STAG3: variants seen among roughly 807,000 people sequenced by gnomAD.
STAG3 encodes the protein STAG3 cohesin complex component.
STAG3 carries 101 observed loss-of-function variants against 160.7 expected under a neutral mutation model. That is an observed-to-expected ratio of 0.63 (90% confidence interval 0.54 to 0.74). The LOEUF is 0.74. STAG3 is among the 30% of genes least tolerant of loss of function. The probability of loss-of-function intolerance (pLI) is 0.00; values close to 1 mark genes in which losing one functional copy is unlikely to be tolerated. For missense variants in STAG3, 1,188 were observed against 1,517.4 expected, an observed-to-expected ratio of 0.78 and a Z score of 3.61; for synonymous variants, 519 against 585.0, an observed-to-expected ratio of 0.89 and a Z score of 1.63.
At chr7:100,183,354 G>A (rs1394207896) in intron 4 of STAG3, among the ~76,000 whole-genome samples, 1 of 152,194 alleles carries the variant, frequency 6.6e-6, no homozygotes, top group Non-Finnish European at 1.5e-5. Flanking sequence ...TCACAGGAGT[G>A]ATTATGCCTT....
chr7:100,206,541 G>A (rs971795808), intron 29 of STAG3, among the ~76,000 whole-genome samples: 2 of 151,618 alleles, frequency 1.3e-5, no homozygotes, highest in African/African-American at 4.9e-5. Flanking sequence ...GCGTGATCTC[G>A]ACTCACTGCA....
chr7:100,194,623 AC>A (rs1403314363), intron 8 of STAG3, among the ~76,000 whole-genome samples: 1 of 152,060 alleles, frequency 6.6e-6, no homozygotes, highest in African/African-American at 2.4e-5. Context: ...GCCCGTCTCT[AC>A]AAAAAAAAAA....
chr7:100,205,716 A>G (rs1217002167), intron 29 of STAG3, among the ~76,000 whole-genome samples: 3 of 151,568 alleles, frequency 2.0e-5, no homozygotes, highest in Non-Finnish European at 4.4e-5. Context: ...TGTAATCCCA[A>G]CTACTCAGGA....
rs766424420 is a variant in STAG3, at chr7:100,188,996, G to A, written c.695G>A (p.Arg232His). 5 of 1,614,128 alleles carry A rather than the reference G, an allele frequency of 3.1e-6. No individual in the cohort carries two copies. The highest frequency in any genetic ancestry group is 1.1e-5 in the South Asian group (1 of 91,080). Reference sequence around the variant, plus strand: ...TCAGACTCACAAGTCCGCGCCTTCCGTCACACTAGCACCCTGGCTGGTGAG... The same window carrying A: ...TCAGACTCACAAGTCCGCGCCTTCCATCACACTAGCACCCTGGCTGGTGAG... Reference protein sequence around the residue: ...GLSDSQVRAFRHTSTLAAMKL... With the variant: ...GLSDSQVRAFHHTSTLAAMKL... Residue 232 changes from arginine to histidine, a missense_variant, in exon 7 of 34, where the codon CGT (arginine) becomes CAT (histidine). Coordinates refer to ENST00000615138, the MANE Select transcript of STAG3 (RefSeq NM_001282717.2).
chr7:100,198,650 C>A, intron 13 of STAG3, 68 bp downstream of exon 13: 1 of 1,473,750 alleles, frequency 6.8e-7, no homozygotes, highest in Admixed American at 1.7e-5. Flanking sequence ...TCTGCTGCTG[C>A]CCTACCTAAG....
downstream of STAG3, among the ~76,000 whole-genome samples, chr7:100,215,740 C>G (rs1490143451): frequency 1.3e-5 from 2 of 152,266 alleles, no homozygotes; most frequent in African/African-American, 2.4e-5. Context: ...GAGCTTGACA[C>G]CATGCTCTCT....
chr7:100,213,391 G>A (rs1802452188), intron 32 of STAG3: 18 of 985,332 alleles, frequency 1.8e-5, no homozygotes, highest in Non-Finnish European at 2.2e-5. Context: ...GAACAGAACA[G>A]GGGAGTCTTG....
At chr7:100,217,185 T>C (rs1219666057), downstream of STAG3, among the ~76,000 whole-genome samples, 1 of 152,178 alleles carries the variant, frequency 6.6e-6, no homozygotes, top group Non-Finnish European at 1.5e-5. Flanking sequence ...GGTTAGAATG[T>C]TTCTTTATTT....
chr7:100,204,918 G>A lies in STAG3; in HGVS notation c.2952-87G>A, dbSNP rs1801493927. The A allele has an allele frequency of 1.8e-5, 29 of 1,575,412 alleles. No homozygotes were observed. In the South Asian group the frequency reaches 3.3e-4, roughly 18 times the overall value. On this transcript the variant is annotated intron_variant, in intron 27 of 33. Transcript: ENST00000615138. The stretch of plus-strand genomic sequence containing the variant: ...GCCTTTGGAGACAAGCTGGGGACGG[G>A]GGGAGGGTGCATTTGGACAGGATAG...
At position 100,199,655 on chromosome 7, in the gene STAG3, A is replaced by C; in HGVS notation, c.1677+11A>C. The C allele has an allele frequency of 1.3e-6, 2 of 1,567,420 alleles. No individual in the cohort carries two copies. The highest frequency in any genetic ancestry group is 1.7e-6 in the Non-Finnish European group (2 of 1,155,756). On this transcript the variant is annotated intron_variant, in intron 16 of 33. Coordinates refer to ENST00000615138, the MANE Select transcript of STAG3 (RefSeq NM_001282717.2). ...GTCACTGGGAGGAAGGTATGGTGTGAGGGTAGAGTGGGTAGGTCAGCAATA... is the reference window on the plus strand; with the variant it reads ...GTCACTGGGAGGAAGGTATGGTGTGCGGGTAGAGTGGGTAGGTCAGCAATA...
At chr7:100,182,387 AAG>A (rs1238376110) in intron 3 of STAG3, among the ~76,000 whole-genome samples, 195 bp downstream of exon 3, 1 of 152,112 alleles carries the variant, frequency 6.6e-6, no homozygotes, top group East Asian at 1.9e-4. Context: ...GAAAACCTAA[AAG>A]AGGTTCAGGT....
At chr7:100,210,958 G>C in intron 29 of STAG3, 53 bp from the exon 30 acceptor site, 6 of 1,564,354 alleles carry the variant, frequency 3.8e-6, no homozygotes, top group Non-Finnish European at 5.2e-6. Context: ...TGGAAAGAGA[G>C]CACACCTGTC....
Position 100,213,771 on chromosome 7 carries a change from C to T in STAG3, c.3637C>T (p.Leu1213=), listed in dbSNP as rs774297890. ...CTACTCTTCCACCAGTGAGCGCGGG[C>T]TGGACCTCTTAGATTCTACAGAGCT... ...SSYSSTSERG[L]DLLDSTELDI... Residue 1213 remains leucine, a synonymous_variant, in exon 33 of 34, where the codon CTG becomes TTG. Coordinates refer to ENST00000615138, the MANE Select transcript of STAG3 (RefSeq NM_001282717.2). 1.2e-6 allele frequency: 2 copies of T among 1,614,130 alleles called. No individual in the cohort carries two copies. Among genetic ancestry groups the T allele is most frequent in the African/African-American group, 2.7e-5 (2 of 74,944 alleles).
chr7:100,205,755 G>A (rs1280937668), intron 29 of STAG3, among the ~76,000 whole-genome samples: 4 of 151,666 alleles, frequency 2.6e-5, no homozygotes, highest in African/African-American at 4.8e-5. Context: ...ACTTGAACCC[G>A]GGAGGCGGAG....
At chr7:100,193,547 C>T (rs1800473644) in intron 8 of STAG3, among the ~76,000 whole-genome samples, 1 of 152,228 alleles carries the variant, frequency 6.6e-6, no homozygotes, top group Non-Finnish European at 1.5e-5. Context: ...GCTTCTCTAT[C>T]AGTATTTGCT....
intron 18 of STAG3, 102 bp downstream of exon 18, chr7:100,200,644 C>T: frequency 1.3e-6 from 2 of 1,535,540 alleles, no homozygotes; most frequent in Non-Finnish European, 1.8e-6. Flanking sequence ...CCAGAAAAAT[C>T]AGCAAGCCTT....
chr7:100,200,869 A>G lies in STAG3; in HGVS notation c.1961A>G (p.Asn654Ser), dbSNP rs1429306166. The change falls in exon 19 of 34, where the codon AAT (asparagine) becomes AGT (serine). Residue 654 changes from asparagine to serine, a missense_variant. Around this residue, in one of 4 missense-constraint regions of STAG3, gnomAD observed 647 missense variants for 717.2 expected, o/e 0.90. Coordinates refer to ENST00000615138, the MANE Select transcript of STAG3 (RefSeq NM_001282717.2). ...AGAHALYLLCNPEFTFFSRAD... is the reference protein window; with the variant it reads ...AGAHALYLLCSPEFTFFSRAD... ...GCGCATGCCCTCTACCTGCTCTGTAATCCCGAATTCACTTTCTTCAGCCGG... is the reference window on the plus strand; with the variant it reads ...GCGCATGCCCTCTACCTGCTCTGTAGTCCCGAATTCACTTTCTTCAGCCGG... The G allele has an allele frequency of 6.2e-7, 1 of 1,614,144 alleles. No homozygotes were observed. Among genetic ancestry groups the G allele is most frequent in the Non-Finnish European group, 8.5e-7 (1 of 1,180,042 alleles).
At chr7:100,183,117 G>A (rs573565866) in intron 4 of STAG3, among the ~76,000 whole-genome samples, 19 of 152,144 alleles carry the variant, frequency 1.2e-4, no homozygotes, top group African/African-American at 4.3e-4. Context: ...GGGTTCAAGC[G>A]ATTCTTGTGC....
chr7:100,205,486 G>A (rs2117404929), intron 29 of STAG3, 102 bp downstream of exon 29: 1 of 1,213,640 alleles, frequency 8.2e-7, no homozygotes, highest in East Asian at 2.6e-5. Flanking sequence ...CTGTCATTCA[G>A]GGTATTAATT....
Sources: allele counts gnomAD v4.1 joint callset (sites outside exome capture counted in the v4.1 genomes callset), GRCh38; gene constraint gnomAD v4.1.1; regional missense constraint gnomAD v4.1.1; transcripts MANE v1.5; gene names NCBI Gene and HGNC (gene_info 2026-07-23, HGNC 2026-07-21).